Variants in AQR observed in about 807,000 individuals in gnomAD.
AQR encodes RNA helicase aquarius.
A neutral mutation model predicts 180.5 loss-of-function variants in AQR; 61 were observed. That is an observed-to-expected ratio of 0.34 (90% CI 0.28 to 0.42). The LOEUF (loss-of-function observed/expected upper bound fraction) is 0.42. Ranked by LOEUF, AQR falls within the 10% of genes least tolerant of loss-of-function variation. The pLI, the probability that AQR is intolerant of heterozygous loss-of-function variation, is 1.00. For missense variants in AQR, 1,281 were observed against 1,798.3 expected (o/e 0.71, Z 5.20); for synonymous variants, 551 against 588.8 (o/e 0.94, Z 0.93).
chr15:34,957,359 G>A (rs914932187), intron 3 of AQR, among the ~76,000 whole-genome samples: 2 of 151,902 alleles, frequency 1.3e-5, no homozygotes, highest in African/African-American at 4.8e-5. Context: ...GTTTCACCAT[G>A]TTAAATTTTT....
chr15:34,890,135 C>T, intron 24 of AQR, 80 bp downstream of exon 24: 2 of 1,269,092 alleles, frequency 1.6e-6, no homozygotes, highest in Non-Finnish European at 1.1e-6. Context: ...GTATTCATTG[C>T]TTTCTTCTTC....
chr15:34,934,113 A>G (rs1893908379), intron 10 of AQR, among the ~76,000 whole-genome samples: 2 of 151,972 alleles, frequency 1.3e-5, no homozygotes, highest in African/African-American at 2.4e-5. Context: ...GGTGACAGAG[A>G]AAGACCCCAT....
intron 33 of AQR, among the ~76,000 whole-genome samples, chr15:34,862,086 C>G (rs1451140005): frequency 6.6e-6 from 1 of 151,832 alleles, no homozygotes; most frequent in Admixed American, 6.6e-5. Flanking sequence ...AAACTGGTTA[C>G]CTATGGAGGG....
At chr15:34,930,861 G>A (rs1401190879) in intron 11 of AQR, among the ~76,000 whole-genome samples, 1 of 136,894 alleles carries the variant, frequency 7.3e-6, no homozygotes, top group Non-Finnish European at 1.5e-5. Context: ...GTCTGAGACG[G>A]AGTCTCGCTC....
At chr15:34,906,459 A>T in intron 18 of AQR, 86 bp downstream of exon 18, 1 of 1,501,282 alleles carries the variant, frequency 6.7e-7, no homozygotes, top group Non-Finnish European at 9.0e-7. Context: ...GAACTAAAAA[A>T]TATTACCTAA....
At position 34,873,323 on chromosome 15, in the gene AQR, G is replaced by C. The variant is rs148419011; in HGVS notation, c.3597+505C>G. 3.8e-4 allele frequency among the ~76,000 whole-genome samples: 58 copies of C among 152,140 alleles called. 1 individual carries two copies. The East Asian group carries it at 0.011, about 28-fold the overall frequency. ...CCTACTAGCATTGTATGAGAATAAAGTTTCCCCAAACCTATCCCAACACTG... is the reference window on the plus strand; with the variant it reads ...CCTACTAGCATTGTATGAGAATAAACTTTCCCCAAACCTATCCCAACACTG... On this transcript the variant is annotated intron_variant, in intron 30 of 34. Coordinates refer to ENST00000156471, the MANE Select transcript of AQR (RefSeq NM_014691.3).
At chr15:34,898,211 A>G (rs1181646786) in intron 20 of AQR, among the ~76,000 whole-genome samples, 2 of 152,184 alleles carry the variant, frequency 1.3e-5, no homozygotes, top group Admixed American at 6.5e-5. Flanking sequence ...CCTTATAATG[A>G]CATGTCTAGA....
At chr15:34,886,778 A>G (rs1476443540) in intron 24 of AQR, 117 bp from the exon 25 acceptor site, 25 of 1,051,330 alleles carry the variant, frequency 2.4e-5, no homozygotes, top group Non-Finnish European at 3.4e-5. Context: ...ACTAGAAGAT[A>G]TGGCTTCTAT....
intron 19 of AQR, among the ~76,000 whole-genome samples, chr15:34,903,933 G>A (rs571276000): frequency 1.3e-4 from 20 of 152,080 alleles, no homozygotes; most frequent in African/African-American, 4.8e-4. Context: ...TTCCATATCT[G>A]TATTCTTAAA....
At chr15:34,940,396 G>A (rs1894006054) in intron 8 of AQR, among the ~76,000 whole-genome samples, 1 of 152,206 alleles carries the variant, frequency 6.6e-6, no homozygotes, top group African/African-American at 2.4e-5. Flanking sequence ...CAGGCGTGGT[G>A]GCGCATGCCT....
At chr15:34,958,560 A>G (rs1373487104) in intron 3 of AQR, among the ~76,000 whole-genome samples, 1 of 152,216 alleles carries the variant, frequency 6.6e-6, no homozygotes. Flanking sequence ...AGAGAGCTAC[A>G]TATAAAAAGC....
Position 34,886,168 on chromosome 15 carries a change from C to A in AQR, c.2817+358G>T, listed in dbSNP as rs566180979. Reference sequence around the variant, plus strand: ...TCCTTCATTAGTTGATTAATGTATACAATAAAAGTTAACTGTACTTTGTTG... The same window carrying A: ...TCCTTCATTAGTTGATTAATGTATAAAATAAAAGTTAACTGTACTTTGTTG... On this transcript the variant is annotated intron_variant, in intron 25 of 34. Transcript: ENST00000156471. 3.9e-5 allele frequency among the ~76,000 whole-genome samples: 6 copies of A among 152,032 alleles called. No homozygotes were observed. In the South Asian group the frequency reaches 1.2e-3, roughly 32 times the overall value.
intron 28 of AQR, 26 bp from the exon 29 acceptor site, chr15:34,874,890 C>T (rs745336539): frequency 6.3e-7 from 1 of 1,598,832 alleles, no homozygotes; most frequent in Non-Finnish European, 8.6e-7. Context: ...AAGGAAATGG[C>T]AAAATACTCT....
chr15:34,857,860 G>C (rs184714014), intron 34 of AQR, among the ~76,000 whole-genome samples: 3 of 152,316 alleles, frequency 2.0e-5, no homozygotes, highest in African/African-American at 7.2e-5. Context: ...TTTCTGTTCC[G>C]TTCAACCAGA....
At position 34,854,782 on chromosome 15, in the gene AQR, G is replaced by A. The variant is rs1428347301; in HGVS notation, c.*2010C>T. The A allele has an allele frequency of 6.6e-6, 1 of 152,156 alleles. No individual in the cohort carries two copies. Among genetic ancestry groups the A allele is most frequent in the African/African-American group, 2.4e-5 (1 of 41,444 alleles). The allele number at this position is 152,156 out of a possible 1,614,324, so 9.4% of individuals were successfully genotyped here. On this transcript the variant is annotated 3_prime_UTR_variant, in exon 35 of 35. Transcript: ENST00000156471. ...CATCTAGGCAAGAGTGATGTACATTGCTTGGACAATAGTTAAGGAGAGAGC... is the reference window on the plus strand; with the variant it reads ...CATCTAGGCAAGAGTGATGTACATTACTTGGACAATAGTTAAGGAGAGAGC...
intron 14 of AQR, among the ~76,000 whole-genome samples, 193 bp from the exon 15 acceptor site, chr15:34,918,571 A>T (rs1893632710): frequency 6.6e-6 from 1 of 152,230 alleles, no homozygotes; most frequent in Non-Finnish European, 1.5e-5. Flanking sequence ...AATCAGACAG[A>T]CCTGAGTTCA....
chr15:34,910,263 T>C lies in AQR; in HGVS notation c.1535A>G (p.Gln512Arg). 1 of 1,614,214 alleles carries C rather than the reference T, an allele frequency of 6.2e-7. No individual in the cohort carries two copies. The highest frequency in any genetic ancestry group is 8.5e-7 in the Non-Finnish European group (1 of 1,180,036). Residue 512 changes from glutamine to arginine, a missense_variant, in exon 17 of 35, where the codon CAG (glutamine) becomes CGG (arginine). Coordinates refer to ENST00000156471, the MANE Select transcript of AQR (RefSeq NM_014691.3). ...VVFGGWARMA[Q>R]PIVAFTVVEV... The stretch of plus-strand genomic sequence containing the variant: ...AACGACAGTGAAAGCCACAATGGGC[T>C]GGGCCATTCGCGCCCAACCACCAAA...
chr15:34,914,516 G>A (rs1893551122), intron 16 of AQR, among the ~76,000 whole-genome samples: 1 of 152,156 alleles, frequency 6.6e-6, no homozygotes, highest in South Asian at 2.1e-4. Context: ...TGGGTAGAGA[G>A]ACAGAGATTT....
intron 12 of AQR, among the ~76,000 whole-genome samples, chr15:34,928,300 T>C (rs1893795617): frequency 1.3e-5 from 2 of 152,146 alleles, no homozygotes; most frequent in Non-Finnish European, 2.9e-5. Context: ...ACATGTGCCA[T>C]GGTGGTTTGC....
Sources: allele counts gnomAD v4.1 joint callset (sites outside exome capture counted in the v4.1 genomes callset), GRCh38; gene constraint gnomAD v4.1.1; transcripts MANE v1.5; gene names NCBI Gene and HGNC (gene_info 2026-07-23, HGNC 2026-07-21).